IGFL4: variants seen among roughly 807,000 people sequenced by gnomAD.
The protein encoded by IGFL4 is insulin growth factor-like family member 4.
IGFL4 carries 12 observed loss-of-function variants against 15.4 expected under a neutral mutation model. That is an observed-to-expected ratio of 0.78 (90% CI 0.50 to 1.26). The LOEUF (loss-of-function observed/expected upper bound fraction) is 1.26, where lower values mean the gene tolerates loss of function less well. Ranked by LOEUF, IGFL4 falls within the 50% of genes most tolerant of loss-of-function variation. The pLI, the probability that IGFL4 is intolerant of heterozygous loss-of-function variation, is 0.00. For synonymous variants in IGFL4, 54 were observed against 55.9 expected (o/e 0.97, Z 0.16); for missense variants, 126 against 147.8 (o/e 0.85, Z 0.76).
At chr19:46,056,393 T>A (rs1969393069) in intron 2 of IGFL4, among the ~76,000 whole-genome samples, 1 of 152,204 alleles carries the variant, frequency 6.6e-6, no homozygotes, top group Non-Finnish European at 1.5e-5. Context: ...GTCCCTTATA[T>A]GAAGTTCACC....
Position 46,040,680 on chromosome 19 carries a change from T to C in IGFL4, c.20-112A>G. The C allele has an allele frequency of 7.8e-7, 1 of 1,280,536 alleles. No homozygotes were observed. The highest frequency in any genetic ancestry group is 1.1e-6 in the Non-Finnish European group (1 of 895,154). The allele number at this position is 1,280,536 out of a possible 1,614,324, so 79.3% of individuals were successfully genotyped here. ...GTTGCTGTTAACAGCTCAGAGTGGA[T>C]TTTGGGACTGGCTGTGGGTGCAGGT... On this transcript the variant is annotated intron_variant, in intron 1 of 3. Coordinates refer to ENST00000377697, the MANE Select transcript of IGFL4 (RefSeq NM_001002923.3). This position sits in a 1 kb window ranked among gnomAD's most constrained non-coding sequence, Gnocchi z 4.1.
intron 2 of IGFL4, among the ~76,000 whole-genome samples, chr19:46,049,803 A>C (rs942349343): frequency 6.6e-6 from 1 of 152,160 alleles, no homozygotes; most frequent in Non-Finnish European, 1.5e-5. Flanking sequence ...TCCTCCCCAC[A>C]CAACCACAGC....
At chr19:46,059,735 T>G (rs1245573157) in intron 2 of IGFL4, 8 of 152,214 alleles carry the variant, frequency 5.3e-5, no homozygotes, top group Non-Finnish European at 1.0e-4. Context: ...TTGTATAAAG[T>G]GCAGCAATAA....
chr19:46,060,221 G>A (rs1190547076), exon 2 of IGFL4: 1 of 152,200 alleles, frequency 6.6e-6, no homozygotes, highest in Non-Finnish European at 1.5e-5. Context: ...CAGGCAGAGA[G>A]AAACAAATAT....
intron 1 of IGFL4, among the ~76,000 whole-genome samples, chr19:46,068,986 C>T (rs1026381764): frequency 5.9e-5 from 9 of 152,290 alleles, no homozygotes; most frequent in East Asian, 1.9e-4. Flanking sequence ...TGTTTCCCCT[C>T]GGTCCTCTGA....
In IGFL4 at chr19:46,050,839, A is replaced by G. The variant is rs186242812; in HGVS notation, c.-323+9346T>C. Among the ~76,000 whole-genome samples, 37 of 152,328 alleles carry G rather than the reference A, an allele frequency of 2.4e-4. 1 individual carries two copies. Among genetic ancestry groups the G allele is most frequent in the Admixed American group, 7.8e-4 (12 of 15,290 alleles). On this transcript the variant is annotated intron_variant, in intron 2 of 5. Transcript: ENST00000601672. The stretch of plus-strand genomic sequence containing the variant: ...AACGGACACCTGGGAAACTCATCAC[A>G]AAAAGATCATCACCCAGGCACATAG...
upstream of IGFL4, chr19:46,041,029 G>A (rs1379205356): frequency 1.2e-5 from 17 of 1,434,314 alleles, no homozygotes; most frequent in Non-Finnish European, 1.5e-5. Flanking sequence ...TTACATAGGG[G>A]CTTATATAGG....
chr19:46,043,368 C>G (rs763800752), upstream of IGFL4, among the ~76,000 whole-genome samples: 27 of 152,152 alleles, frequency 1.8e-4, no homozygotes, highest in Non-Finnish European at 2.4e-4. Flanking sequence ...GATGTCAATT[C>G]TCTCCAAATT....
chr19:46,046,625 C>T (rs963325750), intron 2 of IGFL4, among the ~76,000 whole-genome samples: 5 of 152,180 alleles, frequency 3.3e-5, no homozygotes, highest in African/African-American at 9.7e-5. Flanking sequence ...TCTGACCAAA[C>T]AGACTTTAAA....
At chr19:46,062,148 T>TA (rs1013538893) in intron 1 of IGFL4, among the ~76,000 whole-genome samples, 7 of 152,314 alleles carry the variant, frequency 4.6e-5, no homozygotes, top group African/African-American at 1.7e-4. Flanking sequence ...ATAGTGCTCT[T>TA]AAAAAATCCT....
At chr19:46,055,434 C>A (rs948945400) in intron 2 of IGFL4, among the ~76,000 whole-genome samples, 4 of 152,092 alleles carry the variant, frequency 2.6e-5, no homozygotes, top group Non-Finnish European at 4.4e-5. Flanking sequence ...GTTTTGTTAG[C>A]CTCCCATGGC....
Position 46,039,872 on chromosome 19 carries a change from C to G in IGFL4, c.*20G>C. The G allele has an allele frequency of 6.3e-7, 1 of 1,593,226 alleles. No homozygotes were observed. The highest frequency in any genetic ancestry group is 1.1e-5 in the South Asian group (1 of 90,604). On this transcript the variant is annotated 3_prime_UTR_variant, in exon 4 of 4. Coordinates refer to ENST00000377697, the MANE Select transcript of IGFL4 (RefSeq NM_001002923.3). ...TATTAGATTCTAGAGTGATCTGTGA[C>G]TCTGCTACCCCAGAACAGTCTAGAT...
At chr19:46,051,470 G>T (rs909299132) in intron 2 of IGFL4, among the ~76,000 whole-genome samples, 1 of 152,112 alleles carries the variant, frequency 6.6e-6, no homozygotes, top group South Asian at 2.1e-4. Context: ...ACTTGCACCC[G>T]GGAGGCAGAG....
At chr19:46,042,697 C>T (rs536646097), upstream of IGFL4, among the ~76,000 whole-genome samples, 1 of 152,328 alleles carries the variant, frequency 6.6e-6, no homozygotes, top group South Asian at 2.1e-4. Context: ...GTCCCTTATA[C>T]AGGGTGACAC....
At chr19:46,077,303 G>A (rs551009172), upstream of IGFL4, among the ~76,000 whole-genome samples, 1 of 152,282 alleles carries the variant, frequency 6.6e-6, no homozygotes, top group South Asian at 2.1e-4. This position sits in a 1 kb window ranked among gnomAD's most constrained non-coding sequence, Gnocchi z 5.4. Flanking sequence ...CGCGCTATGG[G>A]GGTGCACGCT....
Position 46,039,704 on chromosome 19 carries a change from G to T in IGFL4, c.*188C>A. The T allele has an allele frequency of 1.9e-6, 1 of 514,826 alleles. No individual in the cohort carries two copies. Among genetic ancestry groups the T allele is most frequent in the South Asian group, 2.0e-5 (1 of 50,422 alleles). 31.9% of individuals were successfully genotyped at this position (514,826 alleles called of 1,614,324 possible). On this transcript the variant is annotated 3_prime_UTR_variant, in exon 4 of 4. Coordinates refer to ENST00000377697, the MANE Select transcript of IGFL4 (RefSeq NM_001002923.3). ...TTTGGCTCTCTGTTTGTCTGTTGTT[G>T]GTGTATAAGAATGCTTGTGATTTTT... is the stretch of plus-strand genomic sequence containing the variant.
rs1415065482 is a variant in IGFL4, at chr19:46,072,299, A to G, written c.-432+4721T>C. Among the ~76,000 whole-genome samples, 3 of 152,184 alleles carry G rather than the reference A, an allele frequency of 2.0e-5. No homozygotes were observed. In the East Asian group the frequency reaches 5.8e-4, roughly 29 times the overall value. On this transcript the variant is annotated intron_variant, in intron 1 of 5. Coordinates refer to the IGFL4 transcript ENST00000601672. ...GAGTATAGCACAGCAGTTCCGCAGA[A>G]CTAAGGTTCTGGATGGCTTGATGGA...
chr19:46,042,434 A>G (rs1442295055), upstream of IGFL4, among the ~76,000 whole-genome samples: 1 of 152,190 alleles, frequency 6.6e-6, no homozygotes, highest in African/African-American at 2.4e-5. Flanking sequence ...GCAACCAAGA[A>G]ATTTATGACC....
At chr19:46,055,958 G>A (rs1281024936) in intron 2 of IGFL4, among the ~76,000 whole-genome samples, 1 of 152,082 alleles carries the variant, frequency 6.6e-6, no homozygotes, top group Admixed American at 6.6e-5. Flanking sequence ...TGTATTTTTA[G>A]TAGAGACAGG....
Sources: gnomAD v4.1 joint callset for allele counts (sites outside exome capture counted in the v4.1 genomes callset) on GRCh38, gnomAD v4.1.1 for gene constraint, Gnocchi (gnomAD v3.1) non-coding constraint, MANE v1.5 for transcripts, NCBI Gene and HGNC (gene_info 2026-07-23, HGNC 2026-07-21) for gene names.